IGBP1: variants seen among roughly 807,000 people sequenced by gnomAD.
IGBP1 encodes the protein immunoglobulin-binding protein 1.
In IGBP1, 2 loss-of-function variants were observed where a neutral mutation model predicts 25.9. That is an observed-to-expected ratio of 0.08 (90% CI 0.03 to 0.24). The LOEUF is 0.24. IGBP1 is among the 10% of genes least tolerant of loss of function. IGBP1 has a pLI of 1.00. For missense variants in IGBP1, 187 were observed against 260.4 expected (o/e 0.72, Z 1.94); for synonymous variants, 96 against 93.4 (o/e 1.03, Z -0.16).
chrX:70,152,812 T>C (rs1467560914), intron 6 of IGBP1, among the ~76,000 whole-genome samples: 3 of 111,351 alleles, frequency 2.7e-5, no homozygotes. Flanking sequence ...AAAAAAAGAT[T>C]GGATAAAAGT....
Position 70,156,117 on chromosome X carries a change from C to G in IGBP1, c.871+5795C>G, listed in dbSNP as rs767735628. 1.1e-4 allele frequency among the ~76,000 whole-genome samples: 12 copies of G among 110,483 alleles called. No homozygotes were observed. The South Asian group carries it at 1.6e-3, about 14-fold the overall frequency. On this transcript the variant is annotated intron_variant, in intron 6 of 6. Coordinates refer to ENST00000356413, the MANE Select transcript of IGBP1 (RefSeq NM_001551.3). Reference sequence around the variant, plus strand: ...TTTGTGGTGCCCCAGAACAATTACACTGGTAATACCAAAGACCACAGATCA... The same window carrying G: ...TTTGTGGTGCCCCAGAACAATTACAGTGGTAATACCAAAGACCACAGATCA...
At chrX:70,136,906 C>T (rs1449400004) in intron 3 of IGBP1, among the ~76,000 whole-genome samples, 2 of 110,173 alleles carry the variant, frequency 1.8e-5, no homozygotes, top group African/African-American at 3.3e-5. Context: ...GGGGTTTTGC[C>T]GTGCTGGCCA....
At chrX:70,155,157 C>G (rs966630701) in intron 6 of IGBP1, among the ~76,000 whole-genome samples, 2 of 111,828 alleles carry the variant, frequency 1.8e-5, no homozygotes, top group Non-Finnish European at 3.8e-5. Flanking sequence ...TGCATGCTGT[C>G]TATAAAAGAT....
chrX:70,136,723 TTA>T (rs1491428290), intron 3 of IGBP1, among the ~76,000 whole-genome samples: 3,886 of 107,901 alleles, frequency 0.036, 174 homozygotes, highest in African/African-American at 0.13. Flanking sequence ...ATTATTATTA[TTA>T]TTATACAGAG....
At chrX:70,155,736 A>G (rs1048313424) in intron 6 of IGBP1, among the ~76,000 whole-genome samples, 2 of 111,321 alleles carry the variant, frequency 1.8e-5, no homozygotes, top group African/African-American at 6.5e-5. Flanking sequence ...GGGATACTCA[A>G]CCTCTACCAT....
chrX:70,149,156 A>T, intron 5 of IGBP1, among the ~76,000 whole-genome samples: 1 of 105,924 alleles, frequency 9.4e-6, no homozygotes, highest in East Asian at 3.0e-4. Context: ...TGAACCTGGG[A>T]GGGGGAGGTT....
In IGBP1 at chrX:70,134,741, A is replaced by G; in HGVS notation, c.407A>G (p.Asn136Ser). ...LPKTMNNSAE[N>S]HTANSSMAYP... The stretch of plus-strand genomic sequence containing the variant: ...AAAACCATGAACAACTCTGCTGAAA[A>G]TCACACTGCCAATTCCTCCATGGCT... The change falls in exon 3 of 7, where the codon AAT (asparagine) becomes AGT (serine). Residue 136 changes from asparagine to serine, a missense_variant. Transcript: ENST00000356413. The G allele has an allele frequency of 1.7e-6, 2 of 1,211,655 alleles. No homozygotes were observed. Among genetic ancestry groups the G allele is most frequent in the South Asian group, 1.8e-5 (1 of 57,011 alleles).
At chrX:70,146,478 C>G (rs1400598344) in intron 3 of IGBP1, among the ~76,000 whole-genome samples, 155 bp from the exon 4 acceptor site, 1 of 110,663 alleles carries the variant, frequency 9.0e-6, no homozygotes, top group Non-Finnish European at 1.9e-5. Flanking sequence ...TGCCTGGTGG[C>G]TAATTCTGGG....
chrX:70,144,746 C>G (rs1469625084), intron 3 of IGBP1, among the ~76,000 whole-genome samples: 1 of 97,447 alleles, frequency 1.0e-5, no homozygotes, highest in Admixed American at 1.2e-4. Context: ...TGCAACCTCT[C>G]ACTCCCTGGT....
intron 5 of IGBP1, 58 bp from the exon 6 acceptor site, chrX:70,150,152 T>C (rs1020725129): frequency 1.0e-5 from 7 of 701,168 alleles, no homozygotes; most frequent in South Asian, 4.5e-5. Flanking sequence ...ACTGGGTTTT[T>C]TTTGTTATTT....
intron 6 of IGBP1, among the ~76,000 whole-genome samples, chrX:70,153,550 ATT>A (rs1313998003): frequency 8.9e-6 from 1 of 112,541 alleles, no homozygotes; most frequent in Non-Finnish European, 1.9e-5. Flanking sequence ...AAATGGAACT[ATT>A]TTGTTTGTGA....
rs1569422637 is a variant in IGBP1, at chrX:70,146,772, A to G, written c.622A>G (p.Ile208Val). 1 of 1,206,867 alleles carries G rather than the reference A, an allele frequency of 8.3e-7. No individual in the cohort carries two copies. The highest frequency in any genetic ancestry group is 2.2e-5 in the Admixed American group (1 of 45,883). Residue 208 changes from isoleucine to valine, a missense_variant, in exon 4 of 7, where the codon ATT (isoleucine) becomes GTT (valine). Coordinates refer to ENST00000356413, the MANE Select transcript of IGBP1 (RefSeq NM_001551.3). Reference sequence around the variant, plus strand: ...GTGGATTGATATCAGCTTAGAAGAGATTGAGAGCATTGACCAGGAAATAAA... The same window carrying G: ...GTGGATTGATATCAGCTTAGAAGAGGTTGAGAGCATTGACCAGGAAATAAA... ...QRWIDISLEE[I>V]ESIDQEIKIL... is the part of the protein sequence containing the mutation.
At chrX:70,157,168 C>T (rs1203230689) in intron 6 of IGBP1, among the ~76,000 whole-genome samples, 3 of 107,975 alleles carry the variant, frequency 2.8e-5, no homozygotes, top group Non-Finnish European at 3.8e-5. Flanking sequence ...TGGGATACAA[C>T]TCGAGCAATG....
chrX:70,151,566 AAAAG>A (rs2085202900), intron 6 of IGBP1, among the ~76,000 whole-genome samples: 1 of 111,658 alleles, frequency 9.0e-6, no homozygotes, highest in Non-Finnish European at 1.9e-5. Flanking sequence ...GGTGAAAACA[AAAAG>A]AAAAAAAATA....
At chrX:70,150,802 G>A (rs1336962451) in intron 6 of IGBP1, among the ~76,000 whole-genome samples, 1 of 112,124 alleles carries the variant, frequency 8.9e-6, no homozygotes, top group African/African-American at 3.2e-5. Context: ...TTGACTTACT[G>A]TACCTTTAGT....
intron 3 of IGBP1, among the ~76,000 whole-genome samples, chrX:70,143,081 C>T (rs1442343997): frequency 5.4e-5 from 6 of 110,138 alleles, no homozygotes; most frequent in African/African-American, 2.0e-4. Flanking sequence ...CACCACCAAA[C>T]CCGGCTAATT....
At chrX:70,134,981 C>G (rs1216001586) in intron 3 of IGBP1, among the ~76,000 whole-genome samples, 165 bp downstream of exon 3, 1 of 112,332 alleles carries the variant, frequency 8.9e-6, no homozygotes, top group Non-Finnish European at 1.9e-5. Flanking sequence ...TCCAAGAAGC[C>G]TCTGCTTTTG....
intron 6 of IGBP1, among the ~76,000 whole-genome samples, chrX:70,156,345 A>G (rs1235619263): frequency 2.7e-5 from 3 of 109,818 alleles, no homozygotes; most frequent in Admixed American, 9.8e-5. Flanking sequence ...AGCACAATAA[A>G]ACGAGGTATG....
At chrX:70,146,307 C>T (rs891500903) in intron 3 of IGBP1, among the ~76,000 whole-genome samples, 1 of 110,633 alleles carries the variant, frequency 9.0e-6, no homozygotes, top group Non-Finnish European at 1.9e-5. Flanking sequence ...CACTGTGTTG[C>T]GATACTAAGC....
Sources: allele counts gnomAD v4.1 joint callset (sites outside exome capture counted in the v4.1 genomes callset), GRCh38; gene constraint gnomAD v4.1.1; transcripts MANE v1.5; gene names NCBI Gene and HGNC (gene_info 2026-07-23, HGNC 2026-07-21).